MAP7: variants seen among roughly 807,000 people sequenced by gnomAD.
MAP7 encodes ensconsin.
In MAP7, 52 loss-of-function variants were observed where a neutral mutation model predicts 94.8. The ratio of observed to expected loss-of-function variants is 0.55; its 90% CI spans 0.44 to 0.69. The LOEUF (loss-of-function observed/expected upper bound fraction) is 0.69, where lower values mean the gene tolerates loss of function less well. Ranked by LOEUF, MAP7 falls within the 30% of genes least tolerant of loss-of-function variation. The pLI, the probability that MAP7 is intolerant of heterozygous loss-of-function variation, is 0.00. For missense variants in MAP7, 940 were observed against 964.6 expected (o/e 0.97, Z 0.34); for synonymous variants, 350 against 357.0 (o/e 0.98, Z 0.22).
intron 5 of MAP7, among the ~76,000 whole-genome samples, chr6:136,387,597 G>A (rs1366321212): frequency 6.6e-6 from 1 of 152,072 alleles, no homozygotes; most frequent in Non-Finnish European, 1.5e-5. Flanking sequence ...CAGGCAATTG[G>A]CAATCACAGG....
chr6:136,510,295 C>T (rs558928471), intron 1 of MAP7, among the ~76,000 whole-genome samples: 5 of 152,222 alleles, frequency 3.3e-5, no homozygotes, highest in African/African-American at 7.2e-5. Flanking sequence ...AAAGTAGAAA[C>T]GACCCACACA....
In MAP7 at chr6:136,361,067, G is replaced by A. The variant is rs1284886364; in HGVS notation, c.1639C>T (p.Gln547Ter). 1.2e-6 allele frequency: 2 copies of A among 1,600,250 alleles called. No homozygotes were observed. The highest frequency in any genetic ancestry group is 8.5e-7 in the Non-Finnish European group (1 of 1,178,322). Reference sequence around the variant, plus strand: ...AGCGCCCGCTCCTCCGCCTGCCGCTGCAGCTGCTCCTCCTTCTCCCGGGCC... The same window carrying A: ...AGCGCCCGCTCCTCCGCCTGCCGCTACAGCTGCTCCTCCTTCTCCCGGGCC... ...EQAREKEEQLQRQAEERALRE... is the reference protein window; with the variant it reads ...EQAREKEEQL Residue 547 changes from glutamine (Q) to a stop codon, truncating the protein, a stop_gained, in exon 12 of 18, where the codon CAG becomes TAG. Transcript: ENST00000354570. LOFTEE classifies it high-confidence loss of function.
At chr6:136,368,823 A>G (rs1794940759) in intron 8 of MAP7, among the ~76,000 whole-genome samples, 1 of 152,232 alleles carries the variant, frequency 6.6e-6, no homozygotes, top group Non-Finnish European at 1.5e-5. Context: ...GGATGTCACT[A>G]CTACCAAAAG....
intron 10 of MAP7, chr6:136,364,363 C>A: frequency 4.9e-6 from 2 of 408,108 alleles, no homozygotes; most frequent in South Asian, 2.0e-5. Flanking sequence ...GGTCCTGCCC[C>A]CTCCACCAAT....
chr6:136,345,229 G>A (rs572792604), intron 17 of MAP7, among the ~76,000 whole-genome samples: 1 of 152,264 alleles, frequency 6.6e-6, no homozygotes, highest in African/African-American at 2.4e-5. Flanking sequence ...GTGGGTCAAA[G>A]AGACATTGTA....
At chr6:136,436,860 TAGA>T (rs563194362) in intron 1 of MAP7, among the ~76,000 whole-genome samples, 31 of 152,366 alleles carry the variant, frequency 2.0e-4, no homozygotes, top group African/African-American at 7.5e-4. Flanking sequence ...AAATTGATTT[TAGA>T]AGATTTTGAT....
intron 8 of MAP7, among the ~76,000 whole-genome samples, chr6:136,370,626 G>C (rs888609735): frequency 2.0e-5 from 3 of 152,142 alleles, no homozygotes; most frequent in Non-Finnish European, 4.4e-5. Flanking sequence ...TGAACCTTGA[G>C]GACATTATGC....
Position 136,361,098 on chromosome 6 carries a change from G to T in MAP7, c.1608C>A (p.Ala536=), listed in dbSNP as rs150702987. 12 of 1,605,136 alleles carry T rather than the reference G, an allele frequency of 7.5e-6. No homozygotes were observed. The highest frequency in any genetic ancestry group is 1.0e-5 in the Non-Finnish European group (12 of 1,179,766). ...RREEESRRLE[A]EQAREKEEQL... Reference sequence around the variant, plus strand: ...GCTCCTCCTTCTCCCGGGCCTGCTCGGCTTCCAGCCTGCGCGACTCCTCCT... The same window carrying T: ...GCTCCTCCTTCTCCCGGGCCTGCTCTGCTTCCAGCCTGCGCGACTCCTCCT... The change falls in exon 12 of 18, where the codon GCC becomes GCA. Residue 536 remains alanine, a synonymous_variant. Coordinates refer to ENST00000354570, the MANE Select transcript of MAP7 (RefSeq NM_003980.6).
chr6:136,449,917 G>A (rs574783463), intron 1 of MAP7, among the ~76,000 whole-genome samples: 37 of 152,234 alleles, frequency 2.4e-4, no homozygotes, highest in African/African-American at 7.9e-4. Flanking sequence ...GCACGGTGGC[G>A]GTGGCTCATG....
chr6:136,457,244 T>C (rs1406799767), intron 1 of MAP7, among the ~76,000 whole-genome samples: 1 of 150,504 alleles, frequency 6.6e-6, no homozygotes, highest in African/African-American at 2.4e-5. Flanking sequence ...CTACTAACAT[T>C]GAATCATGAA....
At chr6:136,365,682 C>T (rs1794095094) in intron 10 of MAP7, 53 bp downstream of exon 10, 3 of 1,558,242 alleles carry the variant, frequency 1.9e-6, no homozygotes, top group African/African-American at 1.4e-5. Flanking sequence ...TTCATCAAAA[C>T]AGTGCGGGAG....
chr6:136,436,576 C>T (rs939674557), intron 1 of MAP7, among the ~76,000 whole-genome samples: 5 of 152,092 alleles, frequency 3.3e-5, no homozygotes, highest in Admixed American at 6.5e-5. Flanking sequence ...GATAGAGTCT[C>T]GCTTTGTTGC....
At chr6:136,358,804 G>A (rs1338675390) in intron 15 of MAP7, among the ~76,000 whole-genome samples, 1 of 152,158 alleles carries the variant, frequency 6.6e-6, no homozygotes, top group Non-Finnish European at 1.5e-5. Context: ...CTAACCACCT[G>A]CATGTACAAT....
intron 16 of MAP7, among the ~76,000 whole-genome samples, chr6:136,352,589 C>T (rs1041259618): frequency 3.2e-4 from 49 of 152,184 alleles, no homozygotes; most frequent in African/African-American, 1.1e-3. Flanking sequence ...GTTACTCCAT[C>T]CTATTTACTC....
chr6:136,451,527 C>T (rs749947243), intron 1 of MAP7, among the ~76,000 whole-genome samples: 5 of 152,152 alleles, frequency 3.3e-5, no homozygotes, highest in Admixed American at 2.0e-4. Flanking sequence ...GTTGTTTTCA[C>T]GCCTGCTATC....
chr6:136,387,256 A>T (rs1307386098), intron 5 of MAP7, among the ~76,000 whole-genome samples: 1 of 152,254 alleles, frequency 6.6e-6, no homozygotes, highest in East Asian at 1.9e-4. Flanking sequence ...TTGACGGGGA[A>T]AAAAGCTAAA....
intron 1 of MAP7, among the ~76,000 whole-genome samples, chr6:136,457,120 T>A: frequency 2.0e-5 from 3 of 148,118 alleles, no homozygotes; most frequent in African/African-American, 2.5e-5. Flanking sequence ...ATATTATAAC[T>A]GATGCCACAG....
intron 3 of MAP7, among the ~76,000 whole-genome samples, chr6:136,401,881 C>T (rs1406780454): frequency 1.3e-5 from 2 of 152,170 alleles, no homozygotes; most frequent in Admixed American, 6.5e-5. Flanking sequence ...TTTACCACTA[C>T]TTTAAACTCT....
chr6:136,351,547 C>T (rs1789215212), intron 16 of MAP7, among the ~76,000 whole-genome samples: 1 of 152,186 alleles, frequency 6.6e-6, no homozygotes, highest in African/African-American at 2.4e-5. Flanking sequence ...AGGTTAACCC[C>T]ACAGTTGCTG....
Sources: gnomAD v4.1 joint callset for allele counts (sites outside exome capture counted in the v4.1 genomes callset) on GRCh38, gnomAD v4.1.1 for gene constraint, MANE v1.5 for transcripts, NCBI Gene and HGNC (gene_info 2026-07-23, HGNC 2026-07-21) for gene names.